Variants in KIAA1755 observed in about 807,000 individuals in gnomAD.
KIAA1755 encodes the protein uncharacterized protein KIAA1755.
Under a neutral mutation model 91.7 loss-of-function variants are expected in KIAA1755, and 68 were observed. That is an observed-to-expected ratio of 0.74 (90% CI 0.61 to 0.91). The LOEUF (loss-of-function observed/expected upper bound fraction) is 0.91, where lower values mean the gene tolerates loss of function less well. KIAA1755 is among the 40% of genes least tolerant of loss of function. KIAA1755 has a pLI of 0.00. For missense variants in KIAA1755, 1,535 were observed against 1,494.4 expected, an observed-to-expected ratio of 1.03 and a Z score of -0.45; for synonymous variants, 610 against 604.6, an observed-to-expected ratio of 1.01 and a Z score of -0.13.
At position 38,212,137 on chromosome 20, in the gene KIAA1755, C is replaced by T. The variant is rs532695800; in HGVS notation, c.*905G>A. ...AGCCTGCCTGGGCAACATAGCAAGACCCCATGTCTACAAAAAATAAATAAA... is the reference window on the plus strand; with the variant it reads ...AGCCTGCCTGGGCAACATAGCAAGATCCCATGTCTACAAAAAATAAATAAA... On this transcript the variant is annotated 3_prime_UTR_variant, in exon 14 of 14. Transcript: ENST00000279024. 22 of 152,268 alleles carry T rather than the reference C, an allele frequency of 1.4e-4. No homozygotes were observed. The South Asian group carries it at 1.5e-3, about 10-fold the overall frequency. 9.4% of individuals were successfully genotyped at this position (152,268 alleles called of 1,614,324 possible).
chr20:38,240,792 T>G lies in KIAA1755; in HGVS notation c.1339A>C (p.Asn447His), dbSNP rs1296275897. Residue 447 changes from asparagine to histidine, a missense_variant, in exon 3 of 14, where the codon AAT (asparagine) becomes CAT (histidine). Physicochemically the swap from Asn to His is moderately conservative, Grantham distance 68. Transcript: ENST00000279024. ...TKIEVKTKERNGRLPKPMPCP... is the reference protein window; with the variant it reads ...TKIEVKTKERHGRLPKPMPCP... The stretch of plus-strand genomic sequence containing the variant: ...GGCATGGGCTTGGGAAGTCTCCCAT[T>G]TCTCTCTTTGGTCTTCACCTCTATC... 5 of 1,609,986 alleles carry G rather than the reference T, an allele frequency of 3.1e-6. No individual in the cohort carries two copies. The African/African-American group carries it at 5.3e-5, about 17-fold the overall frequency.
rs542538411 is a variant in KIAA1755, at chr20:38,249,779, G to A, written c.4-3653C>T. On this transcript the variant is annotated intron_variant, in intron 1 of 13. Coordinates refer to ENST00000279024, the MANE Select transcript of KIAA1755 (RefSeq NM_001029864.2). ...GAACAGGGAAGGTCTCATCTGGCCC[G>A]GTGTCCTCTTCTAATCCCCCCCCAA... is the stretch of plus-strand genomic sequence containing the variant. Among the ~76,000 whole-genome samples, 34 of 152,108 alleles carry A rather than the reference G, an allele frequency of 2.2e-4. No homozygotes were observed. The South Asian group carries it at 6.7e-3, about 30-fold the overall frequency.
chr20:38,231,289 A>G lies in KIAA1755; in HGVS notation c.1784T>C (p.Val595Ala), dbSNP rs1231541994. The stretch of plus-strand genomic sequence containing the variant: ...CTCCCAGGCCCCCTCTGTAGTTGAC[A>G]CCAGAAGCAGGGGCCGCCCGGCCCT... ...RDRAGRPLLL[V>A]STTEGAWEAP... Residue 595 changes from valine to alanine, a missense_variant, in exon 5 of 14, where the codon GTG becomes GCG. Coordinates refer to ENST00000279024, the MANE Select transcript of KIAA1755 (RefSeq NM_001029864.2). 2 of 1,612,226 alleles carry G rather than the reference A, an allele frequency of 1.2e-6. No individual in the cohort carries two copies. The highest frequency in any genetic ancestry group is 1.1e-5 in the South Asian group (1 of 90,702).
chr20:38,224,049 G>A (rs556661882), intron 8 of KIAA1755, among the ~76,000 whole-genome samples: 1 of 152,228 alleles, frequency 6.6e-6, no homozygotes, highest in Non-Finnish European at 1.5e-5. Context: ...TCCCACTTCG[G>A]CCCAGCTCCA....
chr20:38,251,781 G>A (rs1478038935), intron 1 of KIAA1755, among the ~76,000 whole-genome samples: 2 of 152,098 alleles, frequency 1.3e-5, no homozygotes, highest in African/African-American at 4.8e-5. Flanking sequence ...GGCCAAGCTG[G>A]TCTTGAACTC....
At chr20:38,239,468 G>T in intron 4 of KIAA1755, 60 bp downstream of exon 4, 1 of 1,479,296 alleles carries the variant, frequency 6.8e-7, no homozygotes, top group Non-Finnish European at 9.4e-7. Flanking sequence ...AACAGCAGCT[G>T]AAGATGCTCT....
chr20:38,256,941 C>A (rs1177606321), intron 1 of KIAA1755, among the ~76,000 whole-genome samples: 3 of 152,170 alleles, frequency 2.0e-5, no homozygotes, highest in Non-Finnish European at 4.4e-5. Flanking sequence ...CTCCTGGAAC[C>A]TTTGGTGGAT....
chr20:38,239,432 G>A, intron 4 of KIAA1755, 96 bp downstream of exon 4: 1 of 1,112,694 alleles, frequency 9.0e-7, no homozygotes, highest in Non-Finnish European at 1.3e-6. Flanking sequence ...TAGGCCTCCA[G>A]GGCATTCCCT....
In KIAA1755 at chr20:38,250,504, G is replaced by GCGTC. The variant is rs1555830377; in HGVS notation, c.4-4379_4-4378insGACG. Among the ~76,000 whole-genome samples the GCGTC allele has an allele frequency of 2.8e-5, 4 of 143,738 alleles. No homozygotes were observed. The East Asian group carries it at 8.0e-4, about 29-fold the overall frequency. The allele number at this position is 143,738 out of a possible 152,430, so 94.3% of individuals were successfully genotyped here. ...ATTATTATGGTGTGTGTGTGTGTGT[G>GCGTC]TGTGTGTCTGTGTGTGTGTGTGTGT... On this transcript the variant is annotated intron_variant, in intron 1 of 13. Transcript: ENST00000279024.
rs758748018 is a variant in KIAA1755 at position 38,217,318 on chromosome 20, T to C, written c.2836A>G (p.Met946Val). Reference protein sequence around the residue: ...AFQAELTHFYMAAERQRTDLE... With the variant: ...AFQAELTHFYVAAERQRTDLE... The stretch of plus-strand genomic sequence containing the variant: ...TCCGTGCGTTGCCGCTCGGCCGCCA[T>C]GTAAAAGTGGGTCAGCTCAGCCTGG... Residue 946 changes from methionine (M) to valine (V), a missense_variant, in exon 13 of 14, where the codon ATG becomes GTG. By Grantham distance (21) the Met-to-Val change is conservative. Transcript: ENST00000279024. 9.3e-6 allele frequency: 15 copies of C among 1,611,444 alleles called. No homozygotes were observed. The highest frequency in any genetic ancestry group is 1.6e-4 in the Middle Eastern group (1 of 6,082).
At chr20:38,227,004 G>A (rs1192399803) in intron 7 of KIAA1755, 150 bp downstream of exon 7, 1 of 575,088 alleles carries the variant, frequency 1.7e-6, no homozygotes, top group Non-Finnish European at 3.1e-6. Flanking sequence ...GGGATTGGTA[G>A]CGCTTAGGCC....
At chr20:38,239,003 G>A (rs2123215878) in intron 4 of KIAA1755, among the ~76,000 whole-genome samples, 1 of 152,294 alleles carries the variant, frequency 6.6e-6, no homozygotes, top group East Asian at 1.9e-4. Context: ...AGTTCCTGCA[G>A]TTCATTAATG....
rs759913073 is a variant in KIAA1755 at position 38,239,540 on chromosome 20, C to T, written c.1735G>A (p.Ala579Thr). ...LGVKVFRSRI[A>T]CLPGGRDRAG... The stretch of plus-strand genomic sequence containing the variant: ...AATCCCCTGGAACCTGGCAGGCATG[C>T]TATCCTGGAGCGGAAAACCTTGACA... The change falls in exon 4 of 14, where the codon GCA (alanine) becomes ACA (threonine). Residue 579 changes from alanine to threonine, a missense_variant. Coordinates refer to ENST00000279024, the MANE Select transcript of KIAA1755 (RefSeq NM_001029864.2). 2.5e-6 allele frequency: 4 copies of T among 1,613,854 alleles called. No individual in the cohort carries two copies. Among genetic ancestry groups the T allele is most frequent in the Non-Finnish European group, 3.4e-6 (4 of 1,179,910 alleles).
At chr20:38,244,872 C>T (rs2076127655) in intron 2 of KIAA1755, among the ~76,000 whole-genome samples, 1 of 152,158 alleles carries the variant, frequency 6.6e-6, no homozygotes, top group South Asian at 2.1e-4. Flanking sequence ...GGACTACAGG[C>T]ATGTGCCACC....
chr20:38,242,737 A>T (rs534774332), intron 2 of KIAA1755, among the ~76,000 whole-genome samples: 1 of 152,352 alleles, frequency 6.6e-6, no homozygotes, highest in South Asian at 2.1e-4. Context: ...CCACTAACTT[A>T]CTAGATGGCT....
chr20:38,228,333 A>C, intron 5 of KIAA1755, 93 bp from the exon 6 acceptor site: 1 of 888,588 alleles, frequency 1.1e-6, no homozygotes, highest in Non-Finnish European at 1.6e-6. Flanking sequence ...GCTGCTAGAA[A>C]CCTTGATTTA....
chr20:38,225,285 A>G (rs2123115550), intron 8 of KIAA1755, among the ~76,000 whole-genome samples: 1 of 152,334 alleles, frequency 6.6e-6, no homozygotes, highest in Admixed American at 6.5e-5. Flanking sequence ...TACAGGTGTG[A>G]ATCACAGCGC....
rs562455942 is a variant in KIAA1755, at chr20:38,219,633, G to A, written c.2553C>T (p.His851=). 1.9e-6 allele frequency: 3 copies of A among 1,614,034 alleles called. No homozygotes were observed. The South Asian group carries it at 3.3e-5, about 18-fold the overall frequency. ...VRLGRLEAAI[H]QVSDWMEQEG... Reference sequence around the variant, plus strand: ...CCAAGCCAGACACCCCTTTCACCTGGTGAATGGCAGCTTCCAGGCGGCCCA... The same window carrying A: ...CCAAGCCAGACACCCCTTTCACCTGATGAATGGCAGCTTCCAGGCGGCCCA... The change falls in exon 11 of 14, where the codon CAC becomes CAT. Residue 851 remains histidine, a synonymous_variant. Coordinates refer to ENST00000279024, the MANE Select transcript of KIAA1755 (RefSeq NM_001029864.2).
At chr20:38,248,043 C>T (rs1374855641) in intron 1 of KIAA1755, among the ~76,000 whole-genome samples, 1 of 152,130 alleles carries the variant, frequency 6.6e-6, no homozygotes, top group East Asian at 1.9e-4. Context: ...GCCTGGCCAA[C>T]ATAGCAAAAC....
Sources: gnomAD v4.1 joint callset for allele counts (sites outside exome capture counted in the v4.1 genomes callset) on GRCh38, gnomAD v4.1.1 for gene constraint, MANE v1.5 for transcripts, NCBI Gene and HGNC (gene_info 2026-07-23, HGNC 2026-07-21) for gene names.